The following ATF6 variants were observed in gnomAD, a reference collection of about 807,000 sequenced individuals.
The protein encoded by ATF6 is cyclic AMP-dependent transcription factor ATF-6 alpha.
In ATF6, 53 loss-of-function variants were observed where a neutral mutation model predicts 83.6. The ratio of observed to expected loss-of-function variants is 0.63; its 90% CI spans 0.51 to 0.80. The LOEUF is 0.80. ATF6 is among the 30% of genes least tolerant of loss of function. The pLI, the probability that ATF6 is intolerant of heterozygous loss-of-function variation, is 0.00. For missense variants in ATF6, 744 were observed against 797.9 expected, an observed-to-expected ratio of 0.93 and a Z score of 0.81; for synonymous variants, 288 against 285.8, an observed-to-expected ratio of 1.01 and a Z score of -0.08.
rs112736858 is a variant in ATF6, at chr1:161,782,176, A to G, written c.247+177A>G. Among the ~76,000 whole-genome samples the G allele has an allele frequency of 2.9e-3, 440 of 152,344 alleles. 3 individuals are homozygous for G. Among genetic ancestry groups the G allele is most frequent in the African/African-American group, 9.9e-3 (411 of 41,592 alleles). On this transcript the variant is annotated intron_variant, in intron 3 of 15. Transcript: ENST00000367942. ...TAAACAAATTTCTTGCCAAAAATGGATATGAGGAGTTTCATAGTTATGTTT... is the reference window on the plus strand; with the variant it reads ...TAAACAAATTTCTTGCCAAAAATGGGTATGAGGAGTTTCATAGTTATGTTT...
chr1:161,911,048 A>G (rs961168075), intron 14 of ATF6, among the ~76,000 whole-genome samples: 2 of 152,138 alleles, frequency 1.3e-5, no homozygotes, highest in African/African-American at 4.8e-5. Context: ...AGTTTTGCTG[A>G]TAATCACACT....
rs1295923070 is a variant in ATF6 at position 161,791,433 on chromosome 1, C to A, written c.380C>A (p.Ser127Tyr). The A allele has an allele frequency of 6.2e-7, 1 of 1,609,800 alleles. No individual in the cohort carries two copies. The highest frequency in any genetic ancestry group is 1.1e-5 in the South Asian group (1 of 90,438). ...GAGGAGTTGGATTTGTCTTCTAGTT[C>A]TCAGATGTCTCCCCTTTCCTTATAT... ...VPEELDLSSSSQMSPLSLYGE... is the reference protein window; with the variant it reads ...VPEELDLSSSYQMSPLSLYGE... The change falls in exon 5 of 16, where the codon TCT (serine) becomes TAT (tyrosine). Residue 127 changes from serine (S) to tyrosine (Y), a missense_variant. Transcript: ENST00000367942.
rs1558042642 is a variant in ATF6, at chr1:161,960,831, G to T, written c.*2177G>T. On this transcript the variant is annotated 3_prime_UTR_variant, in exon 16 of 16. Transcript: ENST00000367942. ...GTCTTATCATGGGATATTTCTTCTG[G>T]CCCTGCCCCTTCCCATTCTGTAATG... 1 of 152,142 alleles carries T rather than the reference G, an allele frequency of 6.6e-6. No individual in the cohort carries two copies. The highest frequency in any genetic ancestry group is 2.4e-5 in the African/African-American group (1 of 41,418). 9.4% of individuals were successfully genotyped at this position (152,142 alleles called of 1,614,324 possible).
intron 9 of ATF6, among the ~76,000 whole-genome samples, chr1:161,838,332 A>G (rs1466335809): frequency 6.6e-6 from 1 of 152,218 alleles, no homozygotes. Flanking sequence ...ATAGAGTATC[A>G]GTTATCTAAT....
chr1:161,920,456 G>A (rs577913284), intron 15 of ATF6, among the ~76,000 whole-genome samples: 3 of 151,498 alleles, frequency 2.0e-5, no homozygotes, highest in Admixed American at 6.6e-5. Context: ...CACCATGCCC[G>A]GCTAATTTTT....
At chr1:161,925,473 A>G (rs1156377882) in intron 15 of ATF6, among the ~76,000 whole-genome samples, 3 of 151,920 alleles carry the variant, frequency 2.0e-5, no homozygotes, top group Non-Finnish European at 2.9e-5. Context: ...TCCTTACTCA[A>G]TAAACATTCA....
At chr1:161,935,438 C>T (rs186053979) in intron 15 of ATF6, among the ~76,000 whole-genome samples, 45 of 152,262 alleles carry the variant, frequency 3.0e-4, no homozygotes, top group Admixed American at 9.8e-4. Flanking sequence ...ATCTGTGAAC[C>T]AGGAAGCAAA....
intron 12 of ATF6, among the ~76,000 whole-genome samples, chr1:161,857,559 G>A (rs1400409509): frequency 6.6e-6 from 1 of 152,108 alleles, no homozygotes; most frequent in Non-Finnish European, 1.5e-5. Context: ...TATAAGAAAT[G>A]CTAAAGATAT....
chr1:161,919,470 A>G (rs896559347), intron 15 of ATF6, among the ~76,000 whole-genome samples: 2 of 152,200 alleles, frequency 1.3e-5, no homozygotes, highest in Non-Finnish European at 2.9e-5. Flanking sequence ...TAAATAATTG[A>G]ACAAGATAGA....
chr1:161,883,699 T>C (rs551391618), intron 14 of ATF6, among the ~76,000 whole-genome samples: 1 of 152,126 alleles, frequency 6.6e-6, no homozygotes, highest in East Asian at 1.9e-4. Flanking sequence ...AACACACACA[T>C]ATATAAAATC....
intron 15 of ATF6, among the ~76,000 whole-genome samples, chr1:161,952,956 G>T (rs1160777887): frequency 1.3e-5 from 2 of 152,122 alleles, no homozygotes; most frequent in Non-Finnish European, 2.9e-5. Context: ...AATCTCTCCT[G>T]CCATTTGCCA....
intron 14 of ATF6, chr1:161,891,104 A>T (rs1457584451): frequency 1.3e-5 from 2 of 152,372 alleles, no homozygotes; most frequent in African/African-American, 4.8e-5. Context: ...ACCTGTCCAG[A>T]ATCCATTCGG....
intron 9 of ATF6, among the ~76,000 whole-genome samples, chr1:161,826,221 G>A (rs560496576): frequency 6.6e-6 from 1 of 152,242 alleles, no homozygotes; most frequent in South Asian, 2.1e-4. Context: ...GGTTAGGGGG[G>A]ACATCTCATT....
intron 8 of ATF6, among the ~76,000 whole-genome samples, chr1:161,820,515 C>T (rs191587264): frequency 1.1e-4 from 16 of 152,172 alleles, no homozygotes; most frequent in African/African-American, 3.4e-4. Flanking sequence ...CACTTTGGGA[C>T]GCTGAGGCAG....
At chr1:161,772,963 G>GT (rs34459711) in intron 1 of ATF6, among the ~76,000 whole-genome samples, 5,381 of 73,372 alleles carry the variant, frequency 0.073, 291 homozygotes, top group Admixed American at 0.14. Flanking sequence ...TGAAACTCCT[G>GT]TTTTTTTTTT....
intron 7 of ATF6, among the ~76,000 whole-genome samples, chr1:161,818,151 G>C (rs549581537): frequency 7.7e-4 from 116 of 150,746 alleles, no homozygotes; most frequent in Non-Finnish European, 1.0e-3. Flanking sequence ...TTTATTTACT[G>C]GTCTCAGTAA....
chr1:161,937,261 G>C (rs181107461), intron 15 of ATF6, among the ~76,000 whole-genome samples: 24 of 149,766 alleles, frequency 1.6e-4, no homozygotes, highest in African/African-American at 5.9e-4. Context: ...GGAGAATCAC[G>C]TGAACCCAGG....
intron 7 of ATF6, among the ~76,000 whole-genome samples, chr1:161,810,653 A>G (rs1485134960): frequency 6.6e-6 from 1 of 152,082 alleles, no homozygotes; most frequent in Non-Finnish European, 1.5e-5. Context: ...CACATTACAT[A>G]AGGATCACCC....
At chr1:161,919,588 A>G (rs1371550265) in intron 15 of ATF6, among the ~76,000 whole-genome samples, 1 of 152,212 alleles carries the variant, frequency 6.6e-6, no homozygotes, top group Non-Finnish European at 1.5e-5. Flanking sequence ...AATTCTATGA[A>G]CAAGCCATCA....
Sources: allele counts gnomAD v4.1 joint callset (sites outside exome capture counted in the v4.1 genomes callset), GRCh38; gene constraint gnomAD v4.1.1; transcripts MANE v1.5; gene names NCBI Gene and HGNC (gene_info 2026-07-23, HGNC 2026-07-21).